LMCD1: variants seen among roughly 807,000 people sequenced by gnomAD.
LMCD1 encodes the protein LIM and cysteine-rich domains protein 1.
LMCD1 carries 32 observed loss-of-function variants against 42.7 expected under a neutral mutation model. The ratio of observed to expected loss-of-function variants is 0.75; its 90% CI spans 0.57 to 1.01. The LOEUF is 1.01. Ranked by LOEUF, LMCD1 falls within the 50% of genes least tolerant of loss-of-function variation. The probability of loss-of-function intolerance (pLI) is 0.00; values close to 1 mark genes in which losing one functional copy is unlikely to be tolerated. For synonymous variants in LMCD1, 178 were observed against 184.9 expected, an observed-to-expected ratio of 0.96 and a Z score of 0.30; for missense variants, 458 against 483.1, an observed-to-expected ratio of 0.95 and a Z score of 0.49.
rs2125042224 is a variant in LMCD1 at position 8,567,665 on chromosome 3, C to T, written c.*67C>T. On this transcript the variant is annotated 3_prime_UTR_variant, in exon 6 of 6. Transcript: ENST00000157600. ...AGAAGGAGAGCCAGGTGTGCCGAGA[C>T]CATCCTAAGGGTCCGATGTGACAGC... 1 of 1,522,534 alleles carries T rather than the reference C, an allele frequency of 6.6e-7. No individual in the cohort carries two copies. Among genetic ancestry groups the T allele is most frequent in the East Asian group, 2.3e-5 (1 of 44,108 alleles). The allele number at this position is 1,522,534 out of a possible 1,614,324, so 94.3% of individuals were successfully genotyped here.
intron 1 of LMCD1, among the ~76,000 whole-genome samples, chr3:8,507,320 G>T (rs1304076543): frequency 6.6e-6 from 1 of 152,170 alleles, no homozygotes; most frequent in African/African-American, 2.4e-5. Flanking sequence ...TCCTTTAGTG[G>T]CTGAAACACA....
chr3:8,534,348 C>T (rs963364084), intron 2 of LMCD1, among the ~76,000 whole-genome samples: 3 of 151,826 alleles, frequency 2.0e-5, no homozygotes, highest in Non-Finnish European at 4.4e-5. Flanking sequence ...AATTCTGGAC[C>T]CTATTTTTCA....
intron 1 of LMCD1, among the ~76,000 whole-genome samples, chr3:8,514,014 G>C (rs985536408): frequency 1.3e-5 from 2 of 152,080 alleles, no homozygotes; most frequent in Non-Finnish European, 2.9e-5. Flanking sequence ...AGAAACCCAA[G>C]AAATAGATGC....
At chr3:8,517,330 C>G (rs954914484) in intron 1 of LMCD1, among the ~76,000 whole-genome samples, 1 of 152,158 alleles carries the variant, frequency 6.6e-6, no homozygotes, top group Non-Finnish European at 1.5e-5. Flanking sequence ...TGAAACATAA[C>G]AATTTCAGGT....
intron 4 of LMCD1, among the ~76,000 whole-genome samples, chr3:8,552,958 C>T (rs1475846934): frequency 4.6e-5 from 7 of 152,134 alleles, no homozygotes; most frequent in African/African-American, 4.8e-5. Flanking sequence ...CTCCTGACCT[C>T]GTGATCCACC....
intron 3 of LMCD1, among the ~76,000 whole-genome samples, chr3:8,542,097 C>T (rs1694639324): frequency 7.1e-6 from 1 of 141,786 alleles, no homozygotes; most frequent in African/African-American, 2.6e-5. Flanking sequence ...TGGGTTCAAG[C>T]GATTCTCATG....
intron 4 of LMCD1, among the ~76,000 whole-genome samples, chr3:8,549,159 C>A (rs1574969456): frequency 6.6e-6 from 1 of 152,140 alleles, no homozygotes; most frequent in African/African-American, 2.4e-5. Context: ...GAAGGGACAT[C>A]TAAGCCTGCT....
At chr3:8,521,244 A>C (rs1694198522) in intron 1 of LMCD1, among the ~76,000 whole-genome samples, 1 of 152,146 alleles carries the variant, frequency 6.6e-6, no homozygotes, top group African/African-American at 2.4e-5. Flanking sequence ...TCGCCCTGCC[A>C]ACAGAATGTT....
intron 4 of LMCD1, chr3:8,549,852 G>A (rs753482948): frequency 7.2e-5 from 51 of 713,012 alleles, no homozygotes; most frequent in South Asian, 1.2e-4. Context: ...GTGCTAACTC[G>A]GGTCTCTCTT....
intron 2 of LMCD1, among the ~76,000 whole-genome samples, chr3:8,535,654 C>A (rs1694495866): frequency 6.6e-6 from 1 of 152,242 alleles, no homozygotes; most frequent in Non-Finnish European, 1.5e-5. Flanking sequence ...CTGGCCCAGG[C>A]CAGTAGAACT....
At chr3:8,512,426 A>C (rs1250975020) in intron 1 of LMCD1, among the ~76,000 whole-genome samples, 1 of 152,236 alleles carries the variant, frequency 6.6e-6, no homozygotes, top group Non-Finnish European at 1.5e-5. Context: ...TCAGTTGTAC[A>C]TGGTACATTA....
intron 3 of LMCD1, among the ~76,000 whole-genome samples, chr3:8,546,253 C>G (rs987659828): frequency 6.6e-6 from 1 of 152,174 alleles, no homozygotes; most frequent in East Asian, 1.9e-4. Flanking sequence ...TACACCATCA[C>G]CTAACGATAG....
At chr3:8,518,620 G>A (rs1331628541) in intron 1 of LMCD1, among the ~76,000 whole-genome samples, 3 of 152,196 alleles carry the variant, frequency 2.0e-5, no homozygotes, top group Non-Finnish European at 2.9e-5. Context: ...ATAAACATAG[G>A]AGAAGCAGGG....
chr3:8,549,007 T>G, intron 4 of LMCD1, 104 bp downstream of exon 4: 11 of 849,642 alleles, frequency 1.3e-5, no homozygotes, highest in South Asian at 2.6e-5. Flanking sequence ...ATGCATTTAT[T>G]CATGAATTTG....
In LMCD1 at chr3:8,543,518, T is replaced by C. The variant is rs138492696; in HGVS notation, c.388-5050T>C. On this transcript the variant is annotated intron_variant, in intron 3 of 5. Coordinates refer to ENST00000157600, the MANE Select transcript of LMCD1 (RefSeq NM_014583.4). ...AGATAGATAGATAGATTTTGAGACA[T>C]GCTGCCCAGGCTAGACTGCAGTGGT... 7.8e-4 allele frequency among the ~76,000 whole-genome samples: 118 copies of C among 152,240 alleles called. 2 individuals carry two copies. In the East Asian group the frequency reaches 0.021, roughly 27 times the overall value.
At chr3:8,565,041 A>G (rs1695101937) in intron 4 of LMCD1, among the ~76,000 whole-genome samples, 1 of 152,194 alleles carries the variant, frequency 6.6e-6, no homozygotes, top group Non-Finnish European at 1.5e-5. Context: ...AATGTATTAC[A>G]GGTTTAGTAT....
rs1406858484 is a variant in LMCD1 at position 8,570,551 on chromosome 3, TCATATCTGATGG to T, written c.*2954_*2965del. Reference sequence around the variant, plus strand: ...CCTGAATCATCTCTGCCACTTGCCTTCATATCTGATGGGTCACTCAGTCCAGTCCTTTCTCTC... The same window carrying T: ...CCTGAATCATCTCTGCCACTTGCCTTGTCACTCAGTCCAGTCCTTTCTCTC... On this transcript the variant is annotated 3_prime_UTR_variant, in exon 6 of 6. Transcript: ENST00000157600. The T allele has an allele frequency of 6.6e-6, 1 of 152,418 alleles. No individual in the cohort carries two copies. Among genetic ancestry groups the T allele is most frequent in the Non-Finnish European group, 1.5e-5 (1 of 68,162 alleles). The allele number at this position is 152,418 out of a possible 1,614,324, so 9.4% of individuals were successfully genotyped here.
At chr3:8,518,042 T>C (rs1366631852) in intron 1 of LMCD1, among the ~76,000 whole-genome samples, 4 of 151,390 alleles carry the variant, frequency 2.6e-5, no homozygotes, top group South Asian at 4.2e-4. Context: ...TTATGATCCA[T>C]TTTAAAGATG....
chr3:8,555,713 G>A (rs910288979), intron 4 of LMCD1, among the ~76,000 whole-genome samples: 1 of 126,780 alleles, frequency 7.9e-6, no homozygotes, highest in Non-Finnish European at 1.6e-5. Flanking sequence ...GGCCTTCAAC[G>A]AGCTTTTTTT....
Sources: gnomAD v4.1 joint callset for allele counts (sites outside exome capture counted in the v4.1 genomes callset) on GRCh38, gnomAD v4.1.1 for gene constraint, MANE v1.5 for transcripts, NCBI Gene and HGNC (gene_info 2026-07-23, HGNC 2026-07-21) for gene names.